The following DRC8 variants were observed in gnomAD, a reference collection of about 807,000 sequenced individuals.
DRC8 encodes dynein regulatory complex subunit 8, also known as dynein regulatory complex protein 8.
chr1:245,086,674 G>A, the DRC8 span: 1 of 526,360 alleles, frequency 1.9e-6, no homozygotes, highest in Admixed American at 2.0e-5. Flanking sequence ...GCCAGGTACT[G>A]TTCTAAGTCC....
the DRC8 span, among the ~76,000 whole-genome samples, chr1:245,114,657 A>G: frequency 0.012 from 1,858 of 152,276 alleles, 25 homozygotes; most frequent in African/African-American, 0.038. Flanking sequence ...TTGGTGAAAT[A>G]GGGCAGATTT....
chr1:245,084,064 C>A, the DRC8 span, among the ~76,000 whole-genome samples: 5 of 114,000 alleles, frequency 4.4e-5, 2 homozygotes, highest in Non-Finnish European at 7.5e-5. Flanking sequence ...AAAATTCCGC[C>A]CCCCCCCCGG....
At chr1:245,052,506 A>C in the DRC8 span, among the ~76,000 whole-genome samples, 23 of 152,214 alleles carry the variant, frequency 1.5e-4, no homozygotes, top group African/African-American at 5.5e-4. Flanking sequence ...GGCGGAAAAG[A>C]ATAAGCCGTG....
chr1:245,109,780 G>A, the DRC8 span, among the ~76,000 whole-genome samples: 3 of 152,156 alleles, frequency 2.0e-5, no homozygotes, highest in South Asian at 6.2e-4. Context: ...TGGGAGACCC[G>A]GCTCTCTGCT....
At chr1:245,038,022 T>C in the DRC8 span, among the ~76,000 whole-genome samples, 1 of 152,192 alleles carries the variant, frequency 6.6e-6, no homozygotes, top group Non-Finnish European at 1.5e-5. Flanking sequence ...ATAAGAGGAC[T>C]TGAAATTATA....
chr1:245,026,321 T>C, the DRC8 span, among the ~76,000 whole-genome samples: 1 of 152,310 alleles, frequency 6.6e-6, no homozygotes, highest in African/African-American at 2.4e-5. Flanking sequence ...TAACAATAAC[T>C]TATTTGTAAT....
chr1:245,087,578 A>T, the DRC8 span: 1 of 1,160,248 alleles, frequency 8.6e-7, no homozygotes, highest in South Asian at 3.0e-5. Context: ...TTTAAAAACT[A>T]TTCTTAAAAC....
the DRC8 span, among the ~76,000 whole-genome samples, chr1:245,011,104 C>T: frequency 6.6e-6 from 1 of 152,156 alleles, no homozygotes. Flanking sequence ...AGTCTAAACA[C>T]GAAACTCATT....
At chr1:245,050,159 C>T in the DRC8 span, among the ~76,000 whole-genome samples, 1 of 152,196 alleles carries the variant, frequency 6.6e-6, no homozygotes, top group Non-Finnish European at 1.5e-5. Flanking sequence ...ATTCTTGAGC[C>T]AGAAAGCTAC....
the DRC8 span, among the ~76,000 whole-genome samples, chr1:244,992,964 G>T: frequency 3.3e-5 from 5 of 152,166 alleles, no homozygotes; most frequent in Non-Finnish European, 7.3e-5. Flanking sequence ...GGAAGCCTTG[G>T]TTCCTTATTG....
chr1:245,089,507 G>A, the DRC8 span, among the ~76,000 whole-genome samples: 7 of 152,058 alleles, frequency 4.6e-5, no homozygotes, highest in Admixed American at 2.0e-4. The surrounding 1 kb of genome is among the most constrained non-coding windows in gnomAD (Gnocchi z 4.8). Context: ...GCCAAGATCG[G>A]AGAGAATTGC....
the DRC8 span, among the ~76,000 whole-genome samples, chr1:245,057,705 G>T: frequency 4.6e-5 from 7 of 152,034 alleles, no homozygotes; most frequent in East Asian, 7.7e-4. Flanking sequence ...AGGTCCGTGG[G>T]CTATTTTGAT....
chr1:245,049,072 C>T, the DRC8 span, among the ~76,000 whole-genome samples: 1 of 152,012 alleles, frequency 6.6e-6, no homozygotes, highest in Non-Finnish European at 1.5e-5. The surrounding 1 kb of genome is among the most constrained non-coding windows in gnomAD (Gnocchi z 4.5). Flanking sequence ...GCAACCTCCA[C>T]CTCCCAGGTT....
the DRC8 span, among the ~76,000 whole-genome samples, chr1:245,052,712 G>T: frequency 6.6e-6 from 1 of 152,252 alleles, no homozygotes; most frequent in African/African-American, 2.4e-5. Context: ...GAAATACCCA[G>T]CAGCTCTGGA....
chr1:245,028,961 T>A, the DRC8 span, among the ~76,000 whole-genome samples: 2 of 152,256 alleles, frequency 1.3e-5, no homozygotes, highest in South Asian at 4.1e-4. Context: ...AGTGGGGTCA[T>A]ATCTGTGATG....
the DRC8 span, among the ~76,000 whole-genome samples, chr1:245,099,485 G>A: frequency 2.0e-5 from 3 of 152,218 alleles, no homozygotes; most frequent in South Asian, 2.1e-4. Context: ...ACGCAGCCCC[G>A]CCCTGCCCCG....
the DRC8 span, among the ~76,000 whole-genome samples, chr1:245,094,472 C>T: frequency 4.7e-4 from 71 of 152,278 alleles, no homozygotes; most frequent in African/African-American, 1.5e-3. Context: ...AGTACACGAG[C>T]GAAGGCTCCC....
the DRC8 span, among the ~76,000 whole-genome samples, chr1:245,005,642 C>A: frequency 6.6e-6 from 1 of 152,168 alleles, no homozygotes; most frequent in African/African-American, 2.4e-5. Context: ...TGGCACCCGG[C>A]CTTATTGAGT....
the DRC8 span, among the ~76,000 whole-genome samples, chr1:245,028,245 C>G: frequency 7.9e-5 from 12 of 152,130 alleles, no homozygotes; most frequent in Admixed American, 6.6e-4. Flanking sequence ...TGAATGACAT[C>G]TTATAAATTT....
Sources: allele counts gnomAD v4.1 joint callset (sites outside exome capture counted in the v4.1 genomes callset), GRCh38; gene constraint gnomAD v4.1.1; non-coding constraint Gnocchi (gnomAD v3.1); transcripts MANE v1.5; gene names NCBI Gene and HGNC (gene_info 2026-07-23, HGNC 2026-07-21).